Variants in MEGF10 observed in about 807,000 individuals in gnomAD.
MEGF10 encodes the protein multiple epidermal growth factor-like domains protein 10.
MEGF10 carries 86 observed loss-of-function variants against 147.5 expected under a neutral mutation model. The ratio of observed to expected loss-of-function variants is 0.58; its 90% CI spans 0.49 to 0.70. The LOEUF is 0.70. Ranked by LOEUF, MEGF10 falls within the 30% of genes least tolerant of loss-of-function variation. The pLI is 0.00. For missense variants in MEGF10, 1,329 were observed against 1,487.3 expected, an observed-to-expected ratio of 0.89 and a Z score of 1.75; for synonymous variants, 478 against 525.5, an observed-to-expected ratio of 0.91 and a Z score of 1.24.
At chr5:127,293,011 C>T (rs775342747) in intron 1 of MEGF10, among the ~76,000 whole-genome samples, 1 of 152,128 alleles carries the variant, frequency 6.6e-6, no homozygotes, top group Non-Finnish European at 1.5e-5. Context: ...ACATAAAAAG[C>T]ACGTATCATT....
At chr5:127,280,669 C>A in the MEGF10 span, among the ~76,000 whole-genome samples, 234 of 151,312 alleles carry the variant, frequency 1.5e-3, 1 homozygote, top group Middle Eastern at 0.041. Context: ...AGAGAGGGCA[C>A]GTGAGACTGA....
rs776233986 is a variant in MEGF10 at position 127,398,705 on chromosome 5, A to G, written c.689A>G (p.His230Arg). The change falls in exon 7 of 25, where the codon CAT becomes CGT. Residue 230 changes from histidine to arginine, a missense_variant. Coordinates refer to ENST00000503335, the MANE Select transcript of MEGF10 (RefSeq NM_001256545.2). The stretch of plus-strand genomic sequence containing the variant: ...GAGGATCTTTGTCCTCCTGGTAAAC[A>G]TGGTCCACAGTGTGAGCAGAGATGC... The part of the protein sequence containing the change: ...FCEDLCPPGK[H>R]GPQCEQRCPC... The G allele has an allele frequency of 1.2e-6, 2 of 1,614,138 alleles. No individual in the cohort carries two copies. Among genetic ancestry groups the G allele is most frequent in the Non-Finnish European group, 8.5e-7 (1 of 1,180,006 alleles).
the MEGF10 span, among the ~76,000 whole-genome samples, chr5:127,230,387 C>T: frequency 9.9e-3 from 1,511 of 152,072 alleles, 16 homozygotes; most frequent in Non-Finnish European, 0.017. Context: ...AACTGCATGG[C>T]GCTCACCCTT....
intron 4 of MEGF10, among the ~76,000 whole-genome samples, chr5:127,359,348 G>T (rs1375417448): frequency 2.0e-5 from 3 of 150,170 alleles, no homozygotes; most frequent in African/African-American, 2.4e-5. Context: ...TTACTCTAGG[G>T]TTTTTTTTTG....
chr5:127,317,412 T>G (rs1760602416), intron 1 of MEGF10, among the ~76,000 whole-genome samples: 2 of 152,244 alleles, frequency 1.3e-5, no homozygotes, highest in Non-Finnish European at 2.9e-5. Flanking sequence ...ATGTCCTGAA[T>G]GGCATTGCCT....
At chr5:127,417,299 T>C (rs1405961731) in intron 9 of MEGF10, among the ~76,000 whole-genome samples, 2 of 152,190 alleles carry the variant, frequency 1.3e-5, no homozygotes, top group Non-Finnish European at 2.9e-5. Flanking sequence ...GTATTGTCCA[T>C]TGGATGGAGT....
chr5:127,309,606 T>A (rs984873452), intron 1 of MEGF10, among the ~76,000 whole-genome samples: 1 of 152,244 alleles, frequency 6.6e-6, no homozygotes, highest in Non-Finnish European at 1.5e-5. Flanking sequence ...AGCCAAGTTG[T>A]AGCATGTGCC....
intron 5 of MEGF10, among the ~76,000 whole-genome samples, chr5:127,375,331 G>A (rs1259919755): frequency 6.6e-6 from 1 of 152,090 alleles, no homozygotes; most frequent in Non-Finnish European, 1.5e-5. Context: ...GTTTGCCTTG[G>A]CAGCTGAGGG....
At chr5:127,274,985 C>A in the MEGF10 span, among the ~76,000 whole-genome samples, 2 of 151,978 alleles carry the variant, frequency 1.3e-5, no homozygotes, top group African/African-American at 4.8e-5. Context: ...CTTTAATTTA[C>A]CCTTGGCTAA....
the MEGF10 span, among the ~76,000 whole-genome samples, chr5:127,269,338 G>A: frequency 3.3e-5 from 5 of 152,224 alleles, no homozygotes; most frequent in East Asian, 3.9e-4. Context: ...TAAAAACCTC[G>A]AAAAAATGTT....
At chr5:127,252,348 G>T in the MEGF10 span, among the ~76,000 whole-genome samples, 1 of 151,842 alleles carries the variant, frequency 6.6e-6, no homozygotes, top group Non-Finnish European at 1.5e-5. Flanking sequence ...GTTCATGATA[G>T]TGAAAAGAGG....
chr5:127,247,398 GA>G, the MEGF10 span, among the ~76,000 whole-genome samples: 456 of 47,674 alleles, frequency 9.6e-3, 71 homozygotes, highest in African/African-American at 0.043. Flanking sequence ...AGAAGAAGAA[GA>G]AGAAGAAGAA....
chr5:127,452,128 C>T (rs1478304626), intron 22 of MEGF10, among the ~76,000 whole-genome samples: 2 of 152,204 alleles, frequency 1.3e-5, no homozygotes, highest in Admixed American at 6.5e-5. Flanking sequence ...ACTGCTCCCT[C>T]ATTAAAACAG....
chr5:127,280,270 T>G, the MEGF10 span, among the ~76,000 whole-genome samples: 1 of 152,202 alleles, frequency 6.6e-6, no homozygotes, highest in Non-Finnish European at 1.5e-5. Flanking sequence ...TCTAAGTAAT[T>G]CTGCGTGATG....
At chr5:127,351,633 T>C (rs952949736) in intron 4 of MEGF10, among the ~76,000 whole-genome samples, 2 of 152,196 alleles carry the variant, frequency 1.3e-5, no homozygotes, top group Middle Eastern at 3.2e-3. Context: ...TGCCTAGAAG[T>C]AGGCAAGCCA....
intron 5 of MEGF10, among the ~76,000 whole-genome samples, chr5:127,380,771 C>G (rs1052881721): frequency 6.6e-6 from 1 of 152,150 alleles, no homozygotes; most frequent in Non-Finnish European, 1.5e-5. Context: ...CCCGCCTCGG[C>G]CTCCCAAAGT....
At position 127,457,488 on chromosome 5, in the gene MEGF10, T is replaced by C. The variant is rs1398622504; in HGVS notation, c.*170T>C. ...AGGCTGACACGGACTGTAGGTGCTTTTTGTTCAGGTGGATTCGAAGGAGTT... is the reference window on the plus strand; with the variant it reads ...AGGCTGACACGGACTGTAGGTGCTTCTTGTTCAGGTGGATTCGAAGGAGTT... On this transcript the variant is annotated 3_prime_UTR_variant, in exon 25 of 25. Coordinates refer to ENST00000503335, the MANE Select transcript of MEGF10 (RefSeq NM_001256545.2). 1.5e-6 allele frequency: 1 copy of C among 665,252 alleles called. No homozygotes were observed. Among genetic ancestry groups the C allele is most frequent in the Non-Finnish European group, 2.5e-6 (1 of 402,716 alleles). 41.2% of individuals were successfully genotyped at this position (665,252 alleles called of 1,614,324 possible). A position where few individuals can be genotyped will look rare whatever the true frequency, so the allele number is the denominator to read the frequency against.
intron 1 of MEGF10, among the ~76,000 whole-genome samples, chr5:127,301,670 G>A (rs1759778680): frequency 6.6e-6 from 1 of 152,164 alleles, no homozygotes; most frequent in African/African-American, 2.4e-5. Context: ...ACTTTGGGCA[G>A]GCTACTCAAG....
At chr5:127,297,054 C>T (rs1759535054) in intron 1 of MEGF10, among the ~76,000 whole-genome samples, 1 of 152,150 alleles carries the variant, frequency 6.6e-6, no homozygotes, top group African/African-American at 2.4e-5. Context: ...GCAACCTCCG[C>T]CTCTGGGGTT....
Sources: allele counts gnomAD v4.1 joint callset (sites outside exome capture counted in the v4.1 genomes callset), GRCh38; gene constraint gnomAD v4.1.1; transcripts MANE v1.5; gene names NCBI Gene and HGNC (gene_info 2026-07-23, HGNC 2026-07-21).